Variants in RBM46 observed in about 807,000 individuals in gnomAD.
The protein encoded by RBM46 is probable RNA-binding protein 46.
A neutral mutation model predicts 43.3 loss-of-function variants in RBM46; 12 were observed. The ratio of observed to expected loss-of-function variants is 0.28; its 90% confidence interval spans 0.18 to 0.45. RBM46 has a LOEUF of 0.45. Ranked by LOEUF, RBM46 falls within the 20% of genes least tolerant of loss-of-function variation. The pLI is 1.00. For missense variants in RBM46, 412 were observed against 639.1 expected, an observed-to-expected ratio of 0.64 and a Z score of 3.83; for synonymous variants, 205 against 207.6, an observed-to-expected ratio of 0.99 and a Z score of 0.11.
intron 4 of RBM46, among the ~76,000 whole-genome samples, chr4:154,824,100 T>G (rs1360039354): frequency 4.6e-5 from 7 of 151,974 alleles, no homozygotes; most frequent in Non-Finnish European, 7.4e-5. Flanking sequence ...CTTTTTTTTT[T>G]TTGTTTTCCA....
intron 4 of RBM46, 198 bp from the exon 5 acceptor site, chr4:154,827,670 G>A: frequency 7.1e-7 from 1 of 1,402,286 alleles, no homozygotes; most frequent in Non-Finnish European, 9.2e-7. Flanking sequence ...GTAAAGGAAA[G>A]GTAATACTGA....
At chr4:154,803,517 A>G (rs1323853270) in intron 4 of RBM46, among the ~76,000 whole-genome samples, 2 of 151,864 alleles carry the variant, frequency 1.3e-5, no homozygotes, top group South Asian at 2.1e-4. Flanking sequence ...CCTGGCGAAC[A>G]CGGTGAAACC....
In RBM46 at chr4:154,784,296, C is replaced by T. The variant is rs765394935; in HGVS notation, c.-12+2860C>T. ...TAGTTTTAATACAGCTGACACAGTT[C>T]CTTTAAATAATTTTCATTAATGTTT... On this transcript the variant is annotated intron_variant, in intron 1 of 4. Coordinates refer to ENST00000281722, the MANE Select transcript of RBM46 (RefSeq NM_144979.5). Among the ~76,000 whole-genome samples the T allele has an allele frequency of 5.9e-5, 9 of 152,194 alleles. No homozygotes were observed. The Middle Eastern group carries it at 0.01, about 173-fold the overall frequency.
At chr4:154,812,262 C>T (rs112617488) in intron 4 of RBM46, among the ~76,000 whole-genome samples, 6 of 151,920 alleles carry the variant, frequency 3.9e-5, no homozygotes, top group African/African-American at 1.5e-4. Context: ...CCTGCCTTAC[C>T]TTTTTTCCAG....
At chr4:154,806,623 G>C (rs758104049) in intron 4 of RBM46, among the ~76,000 whole-genome samples, 3 of 151,388 alleles carry the variant, frequency 2.0e-5, no homozygotes, top group Non-Finnish European at 4.4e-5. Context: ...CAAAGCTTAT[G>C]CCCCCCTACT....
At chr4:154,818,604 A>G (rs1381204052) in intron 4 of RBM46, among the ~76,000 whole-genome samples, 1 of 152,094 alleles carries the variant, frequency 6.6e-6, no homozygotes, top group African/African-American at 2.4e-5. Flanking sequence ...TGGTACTTTC[A>G]CCACTTCTGA....
intron 4 of RBM46, among the ~76,000 whole-genome samples, chr4:154,805,439 C>T (rs952728715): frequency 2.0e-5 from 3 of 151,878 alleles, no homozygotes; most frequent in African/African-American, 7.3e-5. Flanking sequence ...TTTGAAATGG[C>T]GTACATCAGT....
intron 1 of RBM46, 41 bp from the exon 2 acceptor site, chr4:154,796,701 T>C: frequency 7.5e-7 from 1 of 1,342,234 alleles, no homozygotes; most frequent in East Asian, 2.4e-5. Context: ...TTCTTGGTAT[T>C]CTGTTGTAAA....
Position 154,781,387 on chromosome 4 carries a change from T to C in RBM46, c.-61T>C, listed in dbSNP as rs1307993530. 4 of 152,266 alleles carry C rather than the reference T, an allele frequency of 2.6e-5. No individual in the cohort carries two copies. Among genetic ancestry groups the C allele is most frequent in the Non-Finnish European group, 1.5e-5 (1 of 68,126 alleles). The allele number at this position is 152,266 out of a possible 1,614,324, so 9.4% of individuals were successfully genotyped here. On this transcript the variant is annotated 5_prime_UTR_variant, in exon 1 of 5. Transcript: ENST00000281722. ...GTCCCCTAAACGGTGGCGGCGGTTT[T>C]TGGTCGTTGGGCCCCGGGATTTAGG...
intron 1 of RBM46, among the ~76,000 whole-genome samples, chr4:154,792,754 G>T (rs1279179672): frequency 3.9e-5 from 6 of 152,124 alleles, no homozygotes; most frequent in African/African-American, 1.4e-4. Flanking sequence ...CTATGTAAAG[G>T]AACATATATG....
intron 1 of RBM46, among the ~76,000 whole-genome samples, chr4:154,791,236 C>T (rs1560892239): frequency 6.6e-6 from 1 of 152,074 alleles, no homozygotes; most frequent in African/African-American, 2.4e-5. Context: ...TCATTGTGAT[C>T]CTTTTAAGAG....
At chr4:154,786,429 ATTTCT>A (rs1029740533) in intron 1 of RBM46, among the ~76,000 whole-genome samples, 3 of 152,060 alleles carry the variant, frequency 2.0e-5, no homozygotes, top group Admixed American at 6.6e-5. Flanking sequence ...AAAAAATAAC[ATTTCT>A]TTTATCTGAA....
intron 4 of RBM46, among the ~76,000 whole-genome samples, chr4:154,800,758 T>A (rs1734595822): frequency 6.6e-6 from 1 of 152,196 alleles, no homozygotes; most frequent in Non-Finnish European, 1.5e-5. Context: ...GTGTTATCAT[T>A]GTTTCTTGAT....
At chr4:154,814,991 G>A (rs1735359103) in intron 4 of RBM46, among the ~76,000 whole-genome samples, 1 of 151,806 alleles carries the variant, frequency 6.6e-6, no homozygotes, top group South Asian at 2.1e-4. Context: ...CACTCCAAAA[G>A]ACTCTTTTGT....
At chr4:154,803,564 G>C (rs926173712) in intron 4 of RBM46, among the ~76,000 whole-genome samples, 3 of 151,648 alleles carry the variant, frequency 2.0e-5, no homozygotes, top group African/African-American at 7.3e-5. Context: ...TTAGCCGGGC[G>C]TGGTGGCAGG....
rs1047818241 is a variant in RBM46, at chr4:154,827,948, C to G, written c.1483C>G (p.Pro495Ala). 5 of 1,613,854 alleles carry G rather than the reference C, an allele frequency of 3.1e-6. No homozygotes were observed. The Admixed American group carries it at 8.3e-5, about 27-fold the overall frequency. ...TLSSGTPSVLPYTSRPYSYPG... is the reference protein window; with the variant it reads ...TLSSGTPSVLAYTSRPYSYPG... The stretch of plus-strand genomic sequence containing the variant: ...CTCTTCTGGGACTCCCAGCGTGCTT[C>G]CTTATACTTCAAGGCCTTATTCTTA... The change falls in exon 5 of 5, where the codon CCT becomes GCT. Residue 495 changes from proline (P) to alanine (A), a missense_variant. Pro to Ala is a conservative substitution (Grantham distance 27). This residue lies in a region of RBM46 where 149 missense variants were observed against 156.3 expected (regional missense o/e 0.95). Transcript: ENST00000281722.
At chr4:154,812,277 T>C (rs1256925647) in intron 4 of RBM46, among the ~76,000 whole-genome samples, 3 of 152,156 alleles carry the variant, frequency 2.0e-5, no homozygotes, top group Non-Finnish European at 4.4e-5. Context: ...TTCCAGAGAC[T>C]ATTTTGGCTT....
intron 1 of RBM46, among the ~76,000 whole-genome samples, chr4:154,786,250 C>G (rs1355277377): frequency 6.6e-6 from 1 of 151,994 alleles, no homozygotes; most frequent in Non-Finnish European, 1.5e-5. Context: ...CCATGCCTGG[C>G]TAATTTTTTT....
chr4:154,794,915 T>G (rs1578904533), intron 1 of RBM46, among the ~76,000 whole-genome samples: 1 of 152,122 alleles, frequency 6.6e-6, no homozygotes, highest in Admixed American at 6.6e-5. Flanking sequence ...ATCTGTTATT[T>G]TTTCCCCATT....
Sources: gnomAD v4.1 joint callset for allele counts (sites outside exome capture counted in the v4.1 genomes callset) on GRCh38, gnomAD v4.1.1 for gene constraint, gnomAD v4.1.1 regional missense constraint, MANE v1.5 for transcripts, NCBI Gene and HGNC (gene_info 2026-07-23, HGNC 2026-07-21) for gene names.